The following PAX8 variants were observed in gnomAD, a reference collection of about 807,000 sequenced individuals.
PAX8 encodes paired box protein Pax-8.
Under a neutral mutation model 52.4 loss-of-function variants are expected in PAX8, and 15 were observed. The observed-to-expected ratio is 0.29, with a 90% confidence interval of 0.19 to 0.44. PAX8 has a LOEUF of 0.44. Ranked by LOEUF, PAX8 falls within the 20% of genes least tolerant of loss-of-function variation. The probability of loss-of-function intolerance (pLI) is 1.00; values close to 1 mark genes in which losing one functional copy is unlikely to be tolerated. For missense variants in PAX8, 554 were observed against 602.5 expected (o/e 0.92, Z 0.84); for synonymous variants, 284 against 249.7 (o/e 1.14, Z -1.29).
At chr2:113,260,123 A>G (rs751393874) in intron 2 of PAX8, among the ~76,000 whole-genome samples, 1 of 152,126 alleles carries the variant, frequency 6.6e-6, no homozygotes, top group Non-Finnish European at 1.5e-5. Context: ...ATAATATTCC[A>G]GGCTGTGTGT....
At chr2:113,272,801 C>G (rs953358138) in intron 2 of PAX8, 1 of 152,032 alleles carries the variant, frequency 6.6e-6, no homozygotes, top group Non-Finnish European at 1.5e-5. Flanking sequence ...CCGCAAAGAA[C>G]TCTACACCCT....
chr2:113,242,167 G>A (rs758890952), intron 5 of PAX8, 37 bp from the exon 6 acceptor site: 2 of 1,590,130 alleles, frequency 1.3e-6, no homozygotes, highest in East Asian at 2.2e-5. Context: ...AGGGGTGGGA[G>A]TGACACCCCT....
rs763339602 is a variant in PAX8 at position 113,243,683 on chromosome 2, C to G, written c.389+744G>C. The stretch of plus-strand genomic sequence containing the variant: ...CTGGGATTACAGGCATGAGCCACTG[C>G]ACCTGGCCTATCTACTGGTTTTCTT... On this transcript the variant is annotated intron_variant, in intron 4 of 11. Coordinates refer to ENST00000429538, the MANE Select transcript of PAX8 (RefSeq NM_003466.4). 5.3e-5 allele frequency among the ~76,000 whole-genome samples: 8 copies of G among 152,230 alleles called. No homozygotes were observed. The South Asian group carries it at 8.3e-4, about 16-fold the overall frequency.
intron 1 of PAX8, 41 bp from the exon 2 acceptor site, chr2:113,278,510 T>G: frequency 2.0e-6 from 3 of 1,472,754 alleles, no homozygotes; most frequent in Non-Finnish European, 2.8e-6. Flanking sequence ...GCGATGAGAT[T>G]CGATGCCTGC....
chr2:113,242,796 A>G lies in PAX8; in HGVS notation c.390-18T>C. 1.3e-6 allele frequency: 2 copies of G among 1,598,630 alleles called. No individual in the cohort carries two copies. The highest frequency in any genetic ancestry group is 1.7e-6 in the Non-Finnish European group (2 of 1,166,042). On this transcript the variant is annotated intron_variant, in intron 4 of 11. Transcript: ENST00000429538. ...GGATGATTCTGTGATGAAGAGAAGA[A>G]AGGCCATGAGAGAGAAGAGGAGGAA... is the stretch of plus-strand genomic sequence containing the variant.
intron 10 of PAX8, 59 bp from the exon 11 acceptor site, chr2:113,220,237 G>A (rs552751025): frequency 7.5e-7 from 1 of 1,331,134 alleles, no homozygotes; most frequent in Non-Finnish European, 1.1e-6. Flanking sequence ...GCAGGGCTGG[G>A]GTGTGGGAAG....
Position 113,241,994 on chromosome 2 carries a change from G to T in PAX8, c.601+14C>A, listed in dbSNP as rs1014205947. On this transcript the variant is annotated intron_variant, in intron 6 of 11. Transcript: ENST00000429538. ...CTCGTGCACCGCCCGCTGCCCTCCT[G>T]TCCCAGCACTCACTGTCATCCATTT... is the stretch of plus-strand genomic sequence containing the variant. 1.2e-6 allele frequency: 2 copies of T among 1,613,142 alleles called. No homozygotes were observed. Among genetic ancestry groups the T allele is most frequent in the Admixed American group, 3.3e-5 (2 of 59,890 alleles).
intron 9 of PAX8, among the ~76,000 whole-genome samples, chr2:113,233,400 G>A (rs1170124725): frequency 6.6e-6 from 1 of 151,818 alleles, no homozygotes; most frequent in Admixed American, 6.6e-5. Flanking sequence ...AGGGTCCATG[G>A]GCTGGGTGCA....
chr2:113,277,901 G>T (rs931064041), intron 2 of PAX8, among the ~76,000 whole-genome samples: 2 of 152,138 alleles, frequency 1.3e-5, no homozygotes, highest in African/African-American at 2.4e-5. Context: ...CTCCATTGCC[G>T]TTGGCTTGAG....
At chr2:113,269,539 T>C (rs1332794595) in intron 2 of PAX8, 2 of 152,218 alleles carry the variant, frequency 1.3e-5, no homozygotes, top group East Asian at 3.8e-4. Flanking sequence ...CCTTCTACCT[T>C]GCTCAGTGTT....
chr2:113,262,312 C>T (rs773992571), intron 2 of PAX8, among the ~76,000 whole-genome samples: 7 of 152,102 alleles, frequency 4.6e-5, no homozygotes, highest in East Asian at 1.9e-4. Flanking sequence ...CACCATGACT[C>T]GCCTTTTCTA....
At chr2:113,234,050 T>G (rs1280048536) in intron 9 of PAX8, among the ~76,000 whole-genome samples, 1 of 152,238 alleles carries the variant, frequency 6.6e-6, no homozygotes, top group Non-Finnish European at 1.5e-5. Context: ...CATTTACTTC[T>G]GTCACTAAAT....
At chr2:113,235,626 G>A (rs775221782) in intron 8 of PAX8, 44 bp from the exon 9 acceptor site, 1 of 1,509,572 alleles carries the variant, frequency 6.6e-7, no homozygotes, top group South Asian at 1.2e-5. Context: ...GGTGTGAGAT[G>A]GCGGGGAGGG....
At chr2:113,238,626 G>C (rs908898928) in intron 7 of PAX8, 1 of 152,112 alleles carries the variant, frequency 6.6e-6, no homozygotes, top group African/African-American at 2.4e-5. Flanking sequence ...CTTGAATCGG[G>C]GCAGAGCAGC....
chr2:113,264,594 A>G (rs1315542299), intron 2 of PAX8, among the ~76,000 whole-genome samples: 1 of 152,186 alleles, frequency 6.6e-6, no homozygotes, highest in Non-Finnish European at 1.5e-5. Flanking sequence ...GATTTTGTGT[A>G]AGGTGCTGGG....
chr2:113,259,920 C>G (rs1692542728), intron 2 of PAX8, among the ~76,000 whole-genome samples: 1 of 152,218 alleles, frequency 6.6e-6, no homozygotes, highest in Admixed American at 6.5e-5. Flanking sequence ...GGGAAACAGG[C>G]AAGGCAGGTA....
intron 2 of PAX8, among the ~76,000 whole-genome samples, chr2:113,261,913 G>A (rs962756250): frequency 6.6e-6 from 1 of 151,102 alleles, no homozygotes; most frequent in South Asian, 2.1e-4. Flanking sequence ...TGCAACCTCC[G>A]CCCCACCCGG....
chr2:113,253,223 T>A (rs1691924376), intron 2 of PAX8, among the ~76,000 whole-genome samples: 1 of 152,200 alleles, frequency 6.6e-6, no homozygotes, highest in Non-Finnish European at 1.5e-5. Context: ...CCTTCAGGCT[T>A]CTCTTAGTTC....
At chr2:113,225,817 G>T in intron 10 of PAX8, 1 of 662,578 alleles carries the variant, frequency 1.5e-6, no homozygotes, top group Non-Finnish European at 1.9e-6. Context: ...GGGTTGGAAG[G>T]GGAATGGGGG....
Sources: allele counts gnomAD v4.1 joint callset (sites outside exome capture counted in the v4.1 genomes callset), GRCh38; gene constraint gnomAD v4.1.1; transcripts MANE v1.5; gene names NCBI Gene and HGNC (gene_info 2026-07-23, HGNC 2026-07-21).